Variants in SLCO4A1 observed in about 807,000 individuals in gnomAD.
SLCO4A1 encodes colon organic anion transporter.
In SLCO4A1, 51 loss-of-function variants were observed where a neutral mutation model predicts 64.6. That is an observed-to-expected ratio of 0.79 (90% CI 0.63 to 1.00). The LOEUF (loss-of-function observed/expected upper bound fraction) is 1.00, where lower values mean the gene tolerates loss of function less well. Among genes scored for constraint, SLCO4A1 ranks in the 50% least tolerant of loss-of-function variants. The pLI, the probability that SLCO4A1 is intolerant of heterozygous loss-of-function variation, is 0.00. For missense variants in SLCO4A1, 919 were observed against 980.5 expected (o/e 0.94, Z 0.84); for synonymous variants, 471 against 444.9 (o/e 1.06, Z -0.74).
rs1986696457 is a variant in SLCO4A1 at position 62,668,072 on chromosome 20, G to A, written c.1699G>A (p.Ala567Thr). The change falls in exon 9 of 12, where the codon GCA (alanine) becomes ACA (threonine). Residue 567 changes from alanine (A) to threonine (T), a missense_variant. Transcript: ENST00000217159. ...NLSSGFGHAT[A>T]GKCTSTCQRK... The stretch of plus-strand genomic sequence containing the variant: ...TTCCTCTGGTTTTGGCCATGCCACT[G>A]CAGGGAAATGCACTTCAACTTGTCA... 1 of 1,613,878 alleles carries A rather than the reference G, an allele frequency of 6.2e-7. No homozygotes were observed. The highest frequency in any genetic ancestry group is 8.5e-7 in the Non-Finnish European group (1 of 1,180,018).
At chr20:62,689,704 G>A (rs933791743), downstream of SLCO4A1, among the ~76,000 whole-genome samples, 4 of 152,326 alleles carry the variant, frequency 2.6e-5, no homozygotes, top group South Asian at 4.1e-4. Context: ...TCCGGAAGGC[G>A]ACCGCCATGC....
intron 11 of SLCO4A1, among the ~76,000 whole-genome samples, chr20:62,671,258 C>T (rs145320716): frequency 3.4e-4 from 52 of 152,330 alleles, no homozygotes; most frequent in Middle Eastern, 3.4e-3. Context: ...GAACCAGATT[C>T]GCTTGCAGGT....
chr20:62,656,895 C>T lies in SLCO4A1; in HGVS notation c.441C>T (p.Ser147=), dbSNP rs145727839. 8.9e-6 allele frequency: 14 copies of T among 1,575,418 alleles called. No individual in the cohort carries two copies. The highest frequency in any genetic ancestry group is 1.3e-5 in the African/African-American group (1 of 74,438). ...GCTACCAGAGCGGGCTCATCGCCAGCTCCTACGACATTGCCGCCTGCCTCT... is the reference window on the plus strand; with the variant it reads ...GCTACCAGAGCGGGCTCATCGCCAGTTCCTACGACATTGCCGCCTGCCTCT... The part of the protein sequence containing the change: ...LHSYQSGLIA[S]SYDIAACLCL... Residue 147 remains serine, a synonymous_variant, in exon 2 of 12, where the codon AGC becomes AGT. Coordinates refer to ENST00000217159, the MANE Select transcript of SLCO4A1 (RefSeq NM_016354.4).
chr20:62,687,705 G>T (rs6062840), downstream of SLCO4A1, among the ~76,000 whole-genome samples: 5,484 of 152,278 alleles, frequency 0.036, 141 homozygotes, highest in Non-Finnish European at 0.056. Context: ...CACGGGCTGT[G>T]GGGGGCCGCT....
At position 62,666,490 on chromosome 20, in the gene SLCO4A1, G is replaced by A. The variant is rs536420597; in HGVS notation, c.1387G>A (p.Val463Ile). The change falls in exon 7 of 12, where the codon GTT becomes ATT. Residue 463 changes from valine (V) to isoleucine (I), a missense_variant. Physicochemically the swap from Val to Ile is conservative, Grantham distance 29. Coordinates refer to ENST00000217159, the MANE Select transcript of SLCO4A1 (RefSeq NM_016354.4). ...CATCAAGTTCTGCCTGTTCTGCACC[G>A]TTGTCAGCCTGCTGGGCATCCTCGT... ...AVIKFCLFCT[V>I]VSLLGILVFS... 22 of 1,613,504 alleles carry A rather than the reference G, an allele frequency of 1.4e-5. No individual in the cohort carries two copies. The African/African-American group carries it at 1.5e-4, about 11-fold the overall frequency.
chr20:62,668,242 G>A (rs747636676), intron 9 of SLCO4A1, 58 bp downstream of exon 9: 8 of 1,581,790 alleles, frequency 5.1e-6, no homozygotes, highest in African/African-American at 1.3e-5. Context: ...CCCTGAGGCG[G>A]AGCTCTGCAG....
Position 62,644,869 on chromosome 20 carries a change from A to G in SLCO4A1, c.-97+2316A>G, listed in dbSNP as rs1981036882. ...ATGAGCCACAGAAAAGCCAACGTGC[A>G]GCCTGGTGCTGGGGGCAGGAGGGAG... On this transcript the variant is annotated intron_variant, in intron 1 of 11. Transcript: ENST00000217159. This position sits in a 1 kb window ranked among gnomAD's most constrained non-coding sequence, Gnocchi z 5.4. Among the ~76,000 whole-genome samples the G allele has an allele frequency of 6.6e-6, 1 of 152,234 alleles. No individual in the cohort carries two copies. The highest frequency in any genetic ancestry group is 2.4e-5 in the African/African-American group (1 of 41,456).
rs1335012625 is a variant in SLCO4A1 at position 62,667,909 on chromosome 20, AG to A, written c.1638+1del. The stretch of plus-strand genomic sequence containing the variant: ...ACGGAGACGAATGTGGACGGCCAGA[AG>A]GTGAGTGGAGCCGCTGCCTACCGCC... ...AATETNVDGQ[K>X]VYRDCSCIPQ... On this transcript the variant is annotated frameshift_variant and splice_region_variant, in exon 8 of 12. Coordinates refer to ENST00000217159, the MANE Select transcript of SLCO4A1 (RefSeq NM_016354.4). LOFTEE classifies it high-confidence loss of function. 2.5e-6 allele frequency: 4 copies of A among 1,613,884 alleles called. No homozygotes were observed. The highest frequency in any genetic ancestry group is 1.3e-5 in the African/African-American group (1 of 74,936).
chr20:62,656,329 G>A (rs970006355), intron 1 of SLCO4A1, 30 bp from the exon 2 acceptor site: 13 of 796,120 alleles, frequency 1.6e-5, no homozygotes, highest in African/African-American at 3.5e-5. Flanking sequence ...GGAGAGACGT[G>A]AGCTTGCTAA....
chr20:62,682,254 C>G (rs898117988), intron 2 of SLCO4A1, among the ~76,000 whole-genome samples: 1 of 152,224 alleles, frequency 6.6e-6, no homozygotes, highest in Non-Finnish European at 1.5e-5. Flanking sequence ...ACCTTGTCCA[C>G]ACCTGGACCT....
downstream of SLCO4A1, among the ~76,000 whole-genome samples, chr20:62,686,450 G>A (rs1449543414): frequency 6.6e-6 from 1 of 152,152 alleles, no homozygotes; most frequent in Non-Finnish European, 1.5e-5. Flanking sequence ...CCAAGGGCCG[G>A]GGACAGAGTG....
At position 62,668,926 on chromosome 20, in the gene SLCO4A1, G is replaced by A. The variant is rs373920327; in HGVS notation, c.1877-4G>A. 92 of 1,601,428 alleles carry A rather than the reference G, an allele frequency of 5.7e-5. No homozygotes were observed. Among genetic ancestry groups the A allele is most frequent in the South Asian group, 1.6e-4 (15 of 90,968 alleles). On this transcript the variant is annotated splice_polypyrimidine_tract_variant and splice_region_variant and intron_variant, in intron 10 of 11. Transcript: ENST00000217159. ...GTGGGTGCTGAGTGGGCTTCTCTCC[G>A]CAGGGGGCATCCCGGGGCCCATCGC...
intron 2 of SLCO4A1, among the ~76,000 whole-genome samples, chr20:62,680,569 GT>G (rs201255008): frequency 0.026 from 3,860 of 146,194 alleles, 156 homozygotes; most frequent in African/African-American, 0.082. Context: ...TTTGCTGATG[GT>G]TTTTTTTTTT....
intron 2 of SLCO4A1, among the ~76,000 whole-genome samples, chr20:62,682,231 G>A (rs1987867295): frequency 6.6e-6 from 1 of 152,224 alleles, no homozygotes; most frequent in South Asian, 2.1e-4. Context: ...CCTGGGAGCC[G>A]TACGCCTGCA....
At chr20:62,674,705 T>C (rs1259047640), downstream of SLCO4A1, among the ~76,000 whole-genome samples, 1 of 152,008 alleles carries the variant, frequency 6.6e-6, no homozygotes, top group Non-Finnish European at 1.5e-5. Flanking sequence ...CAGCACCCAG[T>C]GTGATGGTGT....
rs774364940 is a variant in SLCO4A1 at position 62,657,032 on chromosome 20, C to T, written c.578C>T (p.Thr193Met). The T allele has an allele frequency of 3.8e-5, 61 of 1,590,700 alleles. No individual in the cohort carries two copies. In the East Asian group the frequency reaches 5.2e-4, roughly 14 times the overall value. ...GSLVFALPHFTAGRYEVELDA... is the reference protein window; with the variant it reads ...GSLVFALPHFMAGRYEVELDA... ...CTGGTGTTCGCGCTGCCCCACTTCA[C>T]GGCTGGCCGCTATGAGGTGGAGTTG... The change falls in exon 2 of 12, where the codon ACG becomes ATG. Residue 193 changes from threonine (T) to methionine (M), a missense_variant. Thr to Met is a moderately conservative substitution (Grantham distance 81). Transcript: ENST00000217159.
downstream of SLCO4A1, among the ~76,000 whole-genome samples, chr20:62,687,629 G>C (rs937814933): frequency 3.3e-5 from 5 of 152,238 alleles, no homozygotes; most frequent in Non-Finnish European, 5.9e-5. Context: ...CCCGCTCTGG[G>C]TGGGCCTCTC....
chr20:62,674,492 T>C (rs991707110), downstream of SLCO4A1, among the ~76,000 whole-genome samples: 6 of 152,088 alleles, frequency 3.9e-5, no homozygotes, highest in Admixed American at 1.3e-4. Flanking sequence ...GGAGAAGGGA[T>C]GAGAGGGAGG....
rs73145490 is a variant in SLCO4A1 at position 62,668,367 on chromosome 20, G to T, written c.1812-110G>T. ...TCTGACGAGGGGCTTCCCACTTGGG[G>T]GGGGGTGATGATGTGGCTGGGGACT... On this transcript the variant is annotated intron_variant, in intron 9 of 11. Transcript: ENST00000217159. The T allele has an allele frequency of 0.016, 21,089 of 1,308,946 alleles. 264 individuals carry two copies. The highest frequency in any genetic ancestry group is 0.045 in the Middle Eastern group (238 of 5,300). The allele number at this position is 1,308,946 out of a possible 1,614,324, so 81.1% of individuals were successfully genotyped here. A position where few individuals can be genotyped will look rare whatever the true frequency, so the allele number is the denominator to read the frequency against.
Sources: gnomAD v4.1 joint callset for allele counts (sites outside exome capture counted in the v4.1 genomes callset) on GRCh38, gnomAD v4.1.1 for gene constraint, Gnocchi (gnomAD v3.1) non-coding constraint, MANE v1.5 for transcripts, NCBI Gene and HGNC (gene_info 2026-07-23, HGNC 2026-07-21) for gene names.